ASB13: variants seen among roughly 807,000 people sequenced by gnomAD.
ASB13 encodes ankyrin repeat and SOCS box protein 13.
In ASB13, 33 loss-of-function variants were observed where a neutral mutation model predicts 28.8. The ratio of observed to expected loss-of-function variants is 1.15; its 90% confidence interval spans 0.87 to 1.53. The LOEUF is 1.53. Ranked by LOEUF, ASB13 falls within the 40% of genes most tolerant of loss-of-function variation. The pLI is 0.00. For synonymous variants in ASB13, 182 were observed against 172.9 expected, an observed-to-expected ratio of 1.05 and a Z score of -0.41; for missense variants, 414 against 390.1, an observed-to-expected ratio of 1.06 and a Z score of -0.52.
At chr10:5,643,656 T>C (rs899558073) in intron 4 of ASB13, among the ~76,000 whole-genome samples, 1 of 152,248 alleles carries the variant, frequency 6.6e-6, no homozygotes, top group African/African-American at 2.4e-5. Context: ...TCCTCCAGTA[T>C]AATGTTGCAA....
rs1226690603 is a variant in ASB13 at position 5,661,210 on chromosome 10, TG to T, written c.43+5298del. ...TGCTGGCCCCTGCACACTGCAGAGC[TG>T]GGCACCTCCAGAGCCCATCCTCCAC... On this transcript the variant is annotated intron_variant, in intron 1 of 5. Transcript: ENST00000357700. The surrounding 1 kb of genome is among the most constrained non-coding windows in gnomAD (Gnocchi z 4.9). 6.6e-6 allele frequency among the ~76,000 whole-genome samples: 1 copy of T among 152,086 alleles called. No individual in the cohort carries two copies. Among genetic ancestry groups the T allele is most frequent in the Non-Finnish European group, 1.5e-5 (1 of 68,008 alleles).
At position 5,655,996 on chromosome 10, in the gene ASB13, C is replaced by T. The variant is rs764946494; in HGVS notation, c.44-2946G>A. ...ACAGTCAGGGACCAGGGAATAAATGCGCAGATAATTCACAACATGACAACT... is the reference window on the plus strand; with the variant it reads ...ACAGTCAGGGACCAGGGAATAAATGTGCAGATAATTCACAACATGACAACT... On this transcript the variant is annotated intron_variant, in intron 1 of 5. Transcript: ENST00000357700. The surrounding 1 kb of genome is among the most constrained non-coding windows in gnomAD (Gnocchi z 6.2). Among the ~76,000 whole-genome samples the T allele has an allele frequency of 2.6e-5, 4 of 152,156 alleles. No individual in the cohort carries two copies. The highest frequency in any genetic ancestry group is 2.1e-4 in the South Asian group (1 of 4,834).
intron 5 of ASB13, 22 bp from the exon 6 acceptor site, chr10:5,640,852 G>A (rs370735390): frequency 6.2e-7 from 1 of 1,611,536 alleles, no homozygotes; most frequent in African/African-American, 1.3e-5. Context: ...AGCAAGGAAG[G>A]ATGTGAGGTT....
chr10:5,646,082 C>G (rs10905789), intron 4 of ASB13, among the ~76,000 whole-genome samples: 33,714 of 152,038 alleles, frequency 0.22, 4,003 homozygotes, highest in Non-Finnish European at 0.27. Flanking sequence ...AGTCACTGTG[C>G]GGAGGCTTCC....
chr10:5,652,001 CAAAAAAAAAAAAAAA>C lies in ASB13; in HGVS notation c.232-653_232-639del. Among the ~76,000 whole-genome samples, 1 of 50,798 alleles carries C rather than the reference CAAAAAAAAAAAAAAA, an allele frequency of 2.0e-5. No homozygotes were observed. Among genetic ancestry groups the C allele is most frequent in the South Asian group, 1.2e-3 (1 of 812 alleles). 33.3% of individuals were successfully genotyped at this position (50,798 alleles called of 152,430 possible). A position where few individuals can be genotyped will look rare whatever the true frequency, so the allele number is the denominator to read the frequency against. Reference sequence around the variant, plus strand: ...TAGGCGACAGAGAAAGACCTTATCTCAAAAAAAAAAAAAAAAAAAAAAAACCACACACACACACAC... The same window carrying C: ...TAGGCGACAGAGAAAGACCTTATCTCAAAAAAAAACCACACACACACACAC... On this transcript the variant is annotated intron_variant, in intron 2 of 5. Coordinates refer to ENST00000357700, the MANE Select transcript of ASB13 (RefSeq NM_024701.4). The surrounding 1 kb of genome is among the most constrained non-coding windows in gnomAD (Gnocchi z 5.0).
Position 5,642,592 on chromosome 10 carries a change from A to C in ASB13, c.518-631T>G. The C allele has an allele frequency of 4.7e-6, 5 of 1,055,260 alleles. No homozygotes were observed. Among genetic ancestry groups the C allele is most frequent in the Non-Finnish European group, 6.2e-6 (5 of 803,952 alleles). The allele number at this position is 1,055,260 out of a possible 1,614,324, so 65.4% of individuals were successfully genotyped here. On this transcript the variant is annotated intron_variant, in intron 4 of 5. Transcript: ENST00000357700. The surrounding 1 kb of genome is among the most constrained non-coding windows in gnomAD (Gnocchi z 4.1). ...AAGGTAAAAAAAAATTTTTTTTTAA[A>C]AAAAAGAGCAGACATTCAGAAAGAT...
rs905957336 is a variant in ASB13 at position 5,660,900 on chromosome 10, T to A, written c.43+5609A>T. Among the ~76,000 whole-genome samples the A allele has an allele frequency of 1.3e-5, 2 of 152,124 alleles. No homozygotes were observed. The highest frequency in any genetic ancestry group is 2.9e-5 in the Non-Finnish European group (2 of 68,030). ...CCCTGCCTTGCAAGCCACCCAGCAG[T>A]GTGCCGGGCCATCTCGCCAGCTGGC... On this transcript the variant is annotated intron_variant, in intron 1 of 5. Transcript: ENST00000357700. This position sits in a 1 kb window ranked among gnomAD's most constrained non-coding sequence, Gnocchi z 6.1.
At position 5,659,234 on chromosome 10, in the gene ASB13, A is replaced by T. The variant is rs1211702891; in HGVS notation, c.44-6184T>A. 2.0e-5 allele frequency among the ~76,000 whole-genome samples: 3 copies of T among 152,120 alleles called. No individual in the cohort carries two copies. Among genetic ancestry groups the T allele is most frequent in the South Asian group, 2.1e-4 (1 of 4,812 alleles). ...GGCGGAGCACCGCCTTGGAAACCCG[A>T]GACTCCATGCCGTGCTGGCGAGTTC... On this transcript the variant is annotated intron_variant, in intron 1 of 5. Transcript: ENST00000357700. This position sits in a 1 kb window ranked among gnomAD's most constrained non-coding sequence, Gnocchi z 5.8.
chr10:5,640,712 G>A lies in ASB13; in HGVS notation c.828C>T (p.Ser276=). The A allele has an allele frequency of 2.5e-6, 4 of 1,614,170 alleles. No homozygotes were observed. Among genetic ancestry groups the A allele is most frequent in the Non-Finnish European group, 3.4e-6 (4 of 1,180,030 alleles). ...GGACCCCACCTGCAATTCAGTTGTA[G>A]GAGAGGTAATCAATGAGCCGGGGCG... ...NIPPRLIDYL[S]YN is the part of the protein sequence containing the mutation. Residue 276 remains serine, a synonymous_variant, in exon 6 of 6, where the codon TCC becomes TCT. Coordinates refer to ENST00000357700, the MANE Select transcript of ASB13 (RefSeq NM_024701.4).
intron 1 of ASB13, among the ~76,000 whole-genome samples, chr10:5,666,096 G>T (rs1054238630): frequency 1.3e-5 from 2 of 152,190 alleles, no homozygotes; most frequent in South Asian, 2.1e-4. Context: ...GTGGAGGGGG[G>T]TTTAGCTCTT....
At position 5,642,844 on chromosome 10, in the gene ASB13, C is replaced by T. The variant is rs556909863; in HGVS notation, c.518-883G>A. Reference sequence around the variant, plus strand: ...ATTTTTTGTAGAGACGGGGTTTTGCCGTGTTGGCCAGGTTGGTCTCGAACT... The same window carrying T: ...ATTTTTTGTAGAGACGGGGTTTTGCTGTGTTGGCCAGGTTGGTCTCGAACT... On this transcript the variant is annotated intron_variant, in intron 4 of 5. Coordinates refer to ENST00000357700, the MANE Select transcript of ASB13 (RefSeq NM_024701.4). This position sits in a 1 kb window ranked among gnomAD's most constrained non-coding sequence, Gnocchi z 4.1. Among the ~76,000 whole-genome samples the T allele has an allele frequency of 9.9e-5, 15 of 152,084 alleles. No individual in the cohort carries two copies. The highest frequency in any genetic ancestry group is 2.9e-4 in the African/African-American group (12 of 41,510).
chr10:5,651,143 T>C lies in ASB13; in HGVS notation c.382+70A>G. On this transcript the variant is annotated intron_variant, in intron 3 of 5. Coordinates refer to ENST00000357700, the MANE Select transcript of ASB13 (RefSeq NM_024701.4). The surrounding 1 kb of genome is among the most constrained non-coding windows in gnomAD (Gnocchi z 5.1). ...TGTCTACTCTGCTTCCTTCCCTAAG[T>C]CCCTTTAATCCCAGAAAGGAGGAAA... 1 of 1,508,652 alleles carries C rather than the reference T, an allele frequency of 6.6e-7. No individual in the cohort carries two copies. Among genetic ancestry groups the C allele is most frequent in the Non-Finnish European group, 8.9e-7 (1 of 1,124,674 alleles). 93.5% of individuals were successfully genotyped at this position (1,508,652 alleles called of 1,614,324 possible).
At position 5,658,397 on chromosome 10, in the gene ASB13, C is replaced by T. The variant is rs1278825213; in HGVS notation, c.44-5347G>A. 6.6e-6 allele frequency among the ~76,000 whole-genome samples: 1 copy of T among 150,528 alleles called. No homozygotes were observed. Among genetic ancestry groups the T allele is most frequent in the Non-Finnish European group, 1.5e-5 (1 of 67,900 alleles). ...AGTGAGCCAAAATCGTGCCATTGCA[C>T]TACGGCCTGGGTGACTTTGTCTGAA... is the stretch of plus-strand genomic sequence containing the variant. On this transcript the variant is annotated intron_variant, in intron 1 of 5. Coordinates refer to ENST00000357700, the MANE Select transcript of ASB13 (RefSeq NM_024701.4). This position sits in a 1 kb window ranked among gnomAD's most constrained non-coding sequence, Gnocchi z 4.2.
chr10:5,647,677 C>T (rs1197211858), intron 4 of ASB13, among the ~76,000 whole-genome samples: 1 of 152,168 alleles, frequency 6.6e-6, no homozygotes, highest in Non-Finnish European at 1.5e-5. Context: ...CTAGGACACA[C>T]CAGGCACCGG....
At chr10:5,662,535 G>T (rs1455510880) in intron 1 of ASB13, among the ~76,000 whole-genome samples, 1 of 57,488 alleles carries the variant, frequency 1.7e-5, no homozygotes, top group African/African-American at 6.7e-5. Flanking sequence ...GTCGAGAAGG[G>T]GGGGGGAGGG....
rs1835226525 is a variant in ASB13 at position 5,664,606 on chromosome 10, G to C, written c.43+1903C>G. The stretch of plus-strand genomic sequence containing the variant: ...GAACGTACGGGGGAGTGGGGGAGCA[G>C]CCAGTAGGTTAGAGGTTCATCTACC... On this transcript the variant is annotated intron_variant, in intron 1 of 5. Transcript: ENST00000357700. This position sits in a 1 kb window ranked among gnomAD's most constrained non-coding sequence, Gnocchi z 4.2. Among the ~76,000 whole-genome samples the C allele has an allele frequency of 6.6e-6, 1 of 152,188 alleles. No individual in the cohort carries two copies. Among genetic ancestry groups the C allele is most frequent in the Non-Finnish European group, 1.5e-5 (1 of 68,032 alleles).
intron 4 of ASB13, among the ~76,000 whole-genome samples, chr10:5,643,964 C>A (rs1490923558): frequency 1.3e-5 from 2 of 152,194 alleles, no homozygotes; most frequent in African/African-American, 4.8e-5. Flanking sequence ...GCCAGGGGCT[C>A]TTGCAGGGAG....
Position 5,659,317 on chromosome 10 carries a change from G to GC in ASB13, c.44-6268dup, listed in dbSNP as rs748031904. Among the ~76,000 whole-genome samples the GC allele has an allele frequency of 6.6e-6, 1 of 152,104 alleles. No individual in the cohort carries two copies. Among genetic ancestry groups the GC allele is most frequent in the South Asian group, 2.1e-4 (1 of 4,816 alleles). On this transcript the variant is annotated intron_variant, in intron 1 of 5. Transcript: ENST00000357700. The surrounding 1 kb of genome is among the most constrained non-coding windows in gnomAD (Gnocchi z 5.8). ...ACCCACTGCTGCCACATAATAGGTT[G>GC]CCCCCTCCCTAATGCAGATGATTGA...
rs1356718617 is a variant in ASB13, at chr10:5,658,386, G to A, written c.44-5336C>T. ...GTGGAGGTTGCAGTGAGCCAAAATC[G>A]TGCCATTGCACTACGGCCTGGGTGA... On this transcript the variant is annotated intron_variant, in intron 1 of 5. Transcript: ENST00000357700. The surrounding 1 kb of genome is among the most constrained non-coding windows in gnomAD (Gnocchi z 4.2). Among the ~76,000 whole-genome samples the A allele has an allele frequency of 2.0e-5, 3 of 151,204 alleles. No homozygotes were observed. Among genetic ancestry groups the A allele is most frequent in the African/African-American group, 7.3e-5 (3 of 40,974 alleles).
Sources: gnomAD v4.1 joint callset for allele counts (sites outside exome capture counted in the v4.1 genomes callset) on GRCh38, gnomAD v4.1.1 for gene constraint, Gnocchi (gnomAD v3.1) non-coding constraint, MANE v1.5 for transcripts, NCBI Gene and HGNC (gene_info 2026-07-23, HGNC 2026-07-21) for gene names.